MYBL1: variants seen among roughly 807,000 people sequenced by gnomAD.
The protein encoded by MYBL1 is myb-related protein A.
MYBL1 carries 17 observed loss-of-function variants against 96.3 expected under a neutral mutation model. The observed-to-expected ratio is 0.18, with a 90% CI of 0.12 to 0.26. MYBL1 has a LOEUF of 0.26. Among genes scored for constraint, MYBL1 ranks in the 10% least tolerant of loss-of-function variants. The pLI is 1.00. For synonymous variants in MYBL1, 282 were observed against 292.7 expected (o/e 0.96, Z 0.37); for missense variants, 701 against 882.9 (o/e 0.79, Z 2.61).
At chr8:66,572,803 T>C (rs1269296514) in intron 11 of MYBL1, among the ~76,000 whole-genome samples, 1 of 152,100 alleles carries the variant, frequency 6.6e-6, no homozygotes, top group Non-Finnish European at 1.5e-5. Flanking sequence ...AGAATTAATA[T>C]AGAAAAAAGT....
intron 3 of MYBL1, among the ~76,000 whole-genome samples, chr8:66,600,692 A>G (rs1810033119): frequency 1.3e-5 from 2 of 152,228 alleles, no homozygotes; most frequent in Non-Finnish European, 2.9e-5. Context: ...ACATAATTCA[A>G]ACTGACTCCA....
At chr8:66,584,953 A>C (rs1198090635) in intron 8 of MYBL1, among the ~76,000 whole-genome samples, 1 of 152,218 alleles carries the variant, frequency 6.6e-6, no homozygotes. Flanking sequence ...TGTGAAAATG[A>C]CCATATTACC....
At chr8:66,566,627 A>C (rs1033877465) in intron 14 of MYBL1, 57 bp downstream of exon 14, 1 of 1,135,288 alleles carries the variant, frequency 8.8e-7, no homozygotes, top group Non-Finnish European at 1.3e-6. Flanking sequence ...AGAAATAAGA[A>C]CCTCTAGGAC....
chr8:66,599,288 A>G (rs1809973533), intron 3 of MYBL1, 146 bp from the exon 4 acceptor site: 1 of 509,762 alleles, frequency 2.0e-6, no homozygotes, highest in African/African-American at 2.0e-5. Context: ...TTTATGTTAC[A>G]TATCTCTGCC....
intron 8 of MYBL1, among the ~76,000 whole-genome samples, chr8:66,586,042 GTTT>G (rs578179482): frequency 1.9e-5 from 2 of 105,822 alleles, no homozygotes; most frequent in Non-Finnish European, 3.9e-5. Flanking sequence ...GTTTTTTGGT[GTTT>G]TTTTTTTTTT....
At chr8:66,604,255 G>A (rs1009046706) in intron 1 of MYBL1, among the ~76,000 whole-genome samples, 5 of 152,162 alleles carry the variant, frequency 3.3e-5, no homozygotes, top group Admixed American at 6.5e-5. Flanking sequence ...TGGGCTGGGC[G>A]TGGACACCTG....
At chr8:66,598,971 T>A (rs984047591) in intron 4 of MYBL1, 79 bp downstream of exon 4, 1 of 879,818 alleles carries the variant, frequency 1.1e-6, no homozygotes, top group African/African-American at 1.8e-5. Flanking sequence ...AACATGTACT[T>A]CATATGTCAA....
chr8:66,610,742 T>A (rs909734384), intron 1 of MYBL1, among the ~76,000 whole-genome samples: 3 of 152,138 alleles, frequency 2.0e-5, no homozygotes, highest in Admixed American at 2.0e-4. Context: ...GATATGTAAA[T>A]CATATTTACG....
chr8:66,574,666 CT>C, intron 10 of MYBL1, among the ~76,000 whole-genome samples: 1 of 152,368 alleles, frequency 6.6e-6, no homozygotes, highest in Middle Eastern at 3.4e-3. Context: ...TCAGCTTCAT[CT>C]CTTACTAACT....
chr8:66,595,200 G>T (rs2129957460), intron 6 of MYBL1, among the ~76,000 whole-genome samples: 1 of 152,174 alleles, frequency 6.6e-6, no homozygotes, highest in Admixed American at 6.5e-5. Context: ...ACTTATTTTT[G>T]CTACTTTCTC....
intron 11 of MYBL1, among the ~76,000 whole-genome samples, chr8:66,573,079 T>G (rs1808798891): frequency 6.6e-6 from 1 of 152,046 alleles, no homozygotes; most frequent in Admixed American, 6.6e-5. Context: ...CCAGGCATGG[T>G]GGCACATGCC....
rs779551434 is a variant in MYBL1 at position 66,576,150 on chromosome 8, G to A, written c.1327C>T (p.Pro443Ser). The A allele has an allele frequency of 6.2e-7, 1 of 1,613,956 alleles. No homozygotes were observed. The highest frequency in any genetic ancestry group is 8.5e-7 in the Non-Finnish European group (1 of 1,179,892). The change falls in exon 10 of 16, where the codon CCA (proline) becomes TCA (serine). Residue 443 changes from proline (P) to serine (S), a missense_variant. This residue lies in a region of MYBL1 where 396 missense variants were observed against 407.4 expected (regional missense o/e 0.97). Coordinates refer to ENST00000522677, the MANE Select transcript of MYBL1 (RefSeq NM_001080416.4). ...TSPNIAKFST[P>S]PAILRKKRKM... ...CTCTTCTTTCTGAGGATGGCTGGTG[G>A]AGTGCTAAACTTGGCTATATTTGGG...
At chr8:66,610,395 T>C (rs1415937491) in intron 1 of MYBL1, among the ~76,000 whole-genome samples, 1 of 151,630 alleles carries the variant, frequency 6.6e-6, no homozygotes, top group Non-Finnish European at 1.5e-5. Context: ...TTTCTACTCT[T>C]AGGTTTTTTT....
At chr8:66,575,716 G>A (rs1012421556) in intron 10 of MYBL1, among the ~76,000 whole-genome samples, 6 of 152,074 alleles carry the variant, frequency 3.9e-5, no homozygotes, top group Admixed American at 2.6e-4. Flanking sequence ...CTTGAGCCTC[G>A]GTGGTTGAGG....
Position 66,573,495 on chromosome 8 carries a change from T to A in MYBL1, c.1482A>T (p.Thr494=). Residue 494 remains threonine (T), a synonymous_variant, in exon 11 of 16, where the codon ACA becomes ACT. Transcript: ENST00000522677. ...LPFSPSQFFN[T]CPGNEQLNIE... Reference sequence around the variant, plus strand: ...TATTAAGTTGTTCATTACCAGGACATGTGTTGAAAAACTAGAAAGGGAAGA... The same window carrying A: ...TATTAAGTTGTTCATTACCAGGACAAGTGTTGAAAAACTAGAAAGGGAAGA... 3 of 1,602,038 alleles carry A rather than the reference T, an allele frequency of 1.9e-6. No individual in the cohort carries two copies. In the South Asian group the frequency reaches 3.4e-5, roughly 18 times the overall value.
At chr8:66,578,265 A>G (rs1397488793) in intron 9 of MYBL1, among the ~76,000 whole-genome samples, 2 of 150,400 alleles carry the variant, frequency 1.3e-5, no homozygotes, top group Non-Finnish European at 3.0e-5. Context: ...CTGCACAGCA[A>G]AAGAAACTAC....
Position 66,602,535 on chromosome 8 carries a change from A to C in MYBL1, c.21-12T>G, listed in dbSNP as rs1161422464. 1.9e-6 allele frequency: 3 copies of C among 1,566,092 alleles called. No homozygotes were observed. The highest frequency in any genetic ancestry group is 1.7e-6 in the Non-Finnish European group (2 of 1,151,972). On this transcript the variant is annotated splice_polypyrimidine_tract_variant and intron_variant, in intron 1 of 15. Coordinates refer to ENST00000522677, the MANE Select transcript of MYBL1 (RefSeq NM_001080416.4). Reference sequence around the variant, plus strand: ...CATCCTCATCCTCACTACAAAAAAAACACAATTTGTGATATCAAGAATTTT... The same window carrying C: ...CATCCTCATCCTCACTACAAAAAAACCACAATTTGTGATATCAAGAATTTT...
intron 6 of MYBL1, among the ~76,000 whole-genome samples, chr8:66,594,340 T>A (rs1377811192): frequency 6.6e-6 from 1 of 152,130 alleles, no homozygotes; most frequent in African/African-American, 2.4e-5. Context: ...TTTCCCAAAC[T>A]TTTCATGAAA....
In MYBL1 at chr8:66,575,942, G is replaced by A; in HGVS notation, c.1470+65C>T. The A allele has an allele frequency of 3.3e-6, 5 of 1,502,074 alleles. No homozygotes were observed. In the Admixed American group the frequency reaches 8.2e-5, roughly 25 times the overall value. The allele number at this position is 1,502,074 out of a possible 1,614,324, so 93.0% of individuals were successfully genotyped here. A position where few individuals can be genotyped will look rare whatever the true frequency, so the allele number is the denominator to read the frequency against. On this transcript the variant is annotated intron_variant, in intron 10 of 15. Coordinates refer to ENST00000522677, the MANE Select transcript of MYBL1 (RefSeq NM_001080416.4). Reference sequence around the variant, plus strand: ...AAAGCTACCAACTGCTAGTAAGGATGTTAAAGATCTAATTTAATGTAACTC... The same window carrying A: ...AAAGCTACCAACTGCTAGTAAGGATATTAAAGATCTAATTTAATGTAACTC...
Sources: allele counts gnomAD v4.1 joint callset (sites outside exome capture counted in the v4.1 genomes callset), GRCh38; gene constraint gnomAD v4.1.1; regional missense constraint gnomAD v4.1.1; transcripts MANE v1.5; gene names NCBI Gene and HGNC (gene_info 2026-07-23, HGNC 2026-07-21).